The following LILRA2 variants were observed in gnomAD, a reference collection of about 807,000 sequenced individuals.
LILRA2 encodes the protein leukocyte immunoglobulin-like receptor subfamily A member 2.
LILRA2 carries 45 observed loss-of-function variants against 47.9 expected under a neutral mutation model. The ratio of observed to expected loss-of-function variants is 0.94; its 90% CI spans 0.74 to 1.20. LILRA2 has a LOEUF of 1.20. LILRA2 is among the 50% of genes most tolerant of loss of function. The pLI, the probability that LILRA2 is intolerant of heterozygous loss-of-function variation, is 0.00. For synonymous variants in LILRA2, 279 were observed against 249.2 expected, an observed-to-expected ratio of 1.12 and a Z score of -1.13; for missense variants, 651 against 598.2, an observed-to-expected ratio of 1.09 and a Z score of -0.92.
chr19:54,575,952 T>C lies in LILRA2; in HGVS notation c.1098T>C (p.His366=). 6.2e-7 allele frequency: 1 copy of C among 1,613,838 alleles called. No homozygotes were observed. The highest frequency in any genetic ancestry group is 8.5e-7 in the Non-Finnish European group (1 of 1,179,920). The part of the protein sequence containing the change: ...TKEGAGHPPL[H]LRSEHQAQQN... ...AGGGGGCAGGCCATCCCCCACTGCA[T>C]CTGAGATCAGAGCACCAAGCTCAGC... is the stretch of plus-strand genomic sequence containing the variant. Residue 366 remains histidine (H), a synonymous_variant, in exon 6 of 8, where the codon CAT becomes CAC. Coordinates refer to ENST00000391738, the MANE Select transcript of LILRA2 (RefSeq NM_001130917.3).
In LILRA2 at chr19:54,574,100, A is replaced by T; in HGVS notation, c.59A>T (p.His20Leu). The part of the protein sequence containing the change: ...CLGLSLGPRT[H>L]VQAGHLPKPT... ...GGGCTGAGTCTGGGCCCCAGGACCC[A>T]CGTGCAGGCAGGTGAGTCTGTTCCC... The change falls in exon 2 of 8, where the codon CAC (histidine) becomes CTC (leucine). Residue 20 changes from histidine (H) to leucine (L), a missense_variant. Coordinates refer to ENST00000391738, the MANE Select transcript of LILRA2 (RefSeq NM_001130917.3). 6.2e-7 allele frequency: 1 copy of T among 1,614,204 alleles called. No individual in the cohort carries two copies. The highest frequency in any genetic ancestry group is 8.5e-7 in the Non-Finnish European group (1 of 1,180,032).
intron 6 of LILRA2, chr19:54,577,764 A>C: frequency 1.7e-6 from 2 of 1,158,504 alleles, no homozygotes; most frequent in Non-Finnish European, 1.1e-6. Flanking sequence ...ACTCATTTCT[A>C]CTCTGCATTT....
Position 54,587,268 on chromosome 19 carries a change from G to C in LILRA2, c.1374G>C (p.Leu458Phe), listed in dbSNP as rs761760492. The change falls in exon 8 of 8, where the codon TTG becomes TTC. Residue 458 changes from leucine to phenylalanine, a missense_variant. Physicochemically the swap from Leu to Phe is conservative, Grantham distance 22 (BLOSUM62 0). Coordinates refer to ENST00000391738, the MANE Select transcript of LILRA2 (RefSeq NM_001130917.3). ...ENLIRMGVAG[L>F]VLVVLGILLF... ...TCATCCGCATGGGTGTGGCTGGCTT[G>C]GTCCTGGTGGTCCTCGGGATTCTGC... is the stretch of plus-strand genomic sequence containing the variant. 2.5e-6 allele frequency: 4 copies of C among 1,614,000 alleles called. No individual in the cohort carries two copies. The Admixed American group carries it at 6.7e-5, about 27-fold the overall frequency.
In LILRA2 at chr19:54,587,013, C is replaced by G. The variant is rs941220612; in HGVS notation, c.1259C>G (p.Ala420Gly). Residue 420 changes from alanine (A) to glycine (G), a missense_variant, in exon 7 of 8, where the codon GCA becomes GGA. By Grantham distance (60) the Ala-to-Gly change is moderately conservative. Coordinates refer to ENST00000391738, the MANE Select transcript of LILRA2 (RefSeq NM_001130917.3). ...SDPLELVVSEAAETLSPSQNK... is the reference protein window; with the variant it reads ...SDPLELVVSEGAETLSPSQNK... ...TCTCCACTGTTTTGATTCTCAGAAG[C>G]AGCTGAGACCCTCAGCCCATCACAA... The G allele has an allele frequency of 3.1e-6, 5 of 1,611,220 alleles. No individual in the cohort carries two copies. Among genetic ancestry groups the G allele is most frequent in the East Asian group, 4.5e-5 (2 of 44,854 alleles).
intron 6 of LILRA2, among the ~76,000 whole-genome samples, chr19:54,583,427 T>G (rs2062701711): frequency 6.6e-6 from 1 of 152,182 alleles, no homozygotes; most frequent in Non-Finnish European, 1.5e-5. Flanking sequence ...TGTAGGTCTC[T>G]AAGGACTTGG....
chr19:54,575,173 A>T (rs61203769), intron 4 of LILRA2, 83 bp from the exon 5 acceptor site: 79 of 1,549,730 alleles, frequency 5.1e-5, no homozygotes, highest in Non-Finnish European at 6.3e-5. Flanking sequence ...GGCCGGAGAC[A>T]CAGGAAGATC....
At chr19:54,584,089 G>T (rs1209150079) in intron 6 of LILRA2, among the ~76,000 whole-genome samples, 1 of 152,166 alleles carries the variant, frequency 6.6e-6, no homozygotes, top group African/African-American at 2.4e-5. Context: ...TAAGAATGTT[G>T]AATATTGGCC....
At position 54,574,432 on chromosome 19, in the gene LILRA2, T is replaced by A; in HGVS notation, c.202T>A (p.Ser68Thr). The A allele has an allele frequency of 6.2e-7, 1 of 1,609,740 alleles. No individual in the cohort carries two copies. The highest frequency in any genetic ancestry group is 8.5e-7 in the Non-Finnish European group (1 of 1,176,530). The change falls in exon 3 of 8, where the codon TCC becomes ACC. Residue 68 changes from serine to threonine, a missense_variant. Ser to Thr is a moderately conservative substitution (Grantham distance 58). Transcript: ENST00000391738. ...YHLYRENKSA[S>T]WVRRIQEPGK... is the part of the protein sequence containing the mutation. ...TCTATATAGGGAAAACAAATCAGCA[T>A]CCTGGGTTAGACGGATACAAGAGCC...
In LILRA2 at chr19:54,587,529, A is replaced by G. The variant is rs2062851304; in HGVS notation, c.*183A>G. The stretch of plus-strand genomic sequence containing the variant: ...TGTCTGGGGTGATTCCTAGAAGATC[A>G]TTAAACTGTGGTACATTTTTTTGTC... On this transcript the variant is annotated 3_prime_UTR_variant, in exon 8 of 8. Transcript: ENST00000391738. 9.6e-7 allele frequency: 1 copy of G among 1,042,272 alleles called. No homozygotes were observed. The highest frequency in any genetic ancestry group is 2.7e-4 in the Middle Eastern group (1 of 3,672). 64.6% of individuals were successfully genotyped at this position (1,042,272 alleles called of 1,614,324 possible).
rs1174675928 is a variant in LILRA2, at chr19:54,576,034, A to C, written c.1180A>C (p.Arg394=). Residue 394 remains arginine (R), a synonymous_variant, in exon 6 of 8, where the codon AGA becomes CGA. Transcript: ENST00000391738. ...GACCTCAGCCCACGTGGGGACCTAC[A>C]GATGCTACAGCTCACTCAGCTCCAA... is the stretch of plus-strand genomic sequence containing the variant. The part of the protein sequence containing the change: ...PVTSAHVGTY[R]CYSSLSSNPY... The C allele has an allele frequency of 6.2e-7, 1 of 1,613,950 alleles. No homozygotes were observed. The highest frequency in any genetic ancestry group is 8.5e-7 in the Non-Finnish European group (1 of 1,179,962).
upstream of LILRA2, chr19:54,573,382 A>C (rs2062204915): frequency 1.2e-6 from 1 of 836,014 alleles, no homozygotes. Context: ...TAACTGCAGC[A>C]TGGACCTGGG....
rs2062331188 is a variant in LILRA2, at chr19:54,574,877, A to AGTGGGTGTT, written c.499_500insGTGGGTGTT (p.Asn167delinsSerGlyCysTyr). On this transcript the variant is annotated protein_altering_variant, in exon 4 of 8. Coordinates refer to ENST00000391738, the MANE Select transcript of LILRA2 (RefSeq NM_001130917.3). The stretch of plus-strand genomic sequence containing the variant: ...AGAAGATGAACACCCACAACGCCTG[A>AGTGGGTGTT]ACTCCCATTCCCATGCCCGTGGGTG... The AGTGGGTGTT allele has an allele frequency of 6.2e-7, 1 of 1,614,116 alleles. No homozygotes were observed. Among genetic ancestry groups the AGTGGGTGTT allele is most frequent in the Non-Finnish European group, 8.5e-7 (1 of 1,180,052 alleles).
rs765111830 is a variant in LILRA2 at position 54,575,539 on chromosome 19, C to T, written c.939C>T (p.Asp313=). 1 of 1,611,942 alleles carries T rather than the reference C, an allele frequency of 6.2e-7. No individual in the cohort carries two copies. Residue 313 remains aspartate (D), a synonymous_variant, in exon 5 of 8, where the codon GAC becomes GAT. Coordinates refer to ENST00000391738, the MANE Select transcript of LILRA2 (RefSeq NM_001130917.3). ...GGTCGGCCCCCAGTGACCCCCTGGA[C>T]ATCCTGATCACAGGTGAGGAGCCCA... ...SEWSAPSDPL[D]ILITGQFYDR...
Position 54,575,545 on chromosome 19 carries a change from G to C in LILRA2, c.945G>C (p.Leu315=). 5 of 1,612,138 alleles carry C rather than the reference G, an allele frequency of 3.1e-6. No individual in the cohort carries two copies. The highest frequency in any genetic ancestry group is 4.2e-6 in the Non-Finnish European group (5 of 1,179,854). ...WSAPSDPLDI[L]ITGQFYDRPS... is the part of the protein sequence containing the mutation. The stretch of plus-strand genomic sequence containing the variant: ...CCCCCAGTGACCCCCTGGACATCCT[G>C]ATCACAGGTGAGGAGCCCAGCGGGT... Residue 315 remains leucine, a synonymous_variant, in exon 5 of 8, where the codon CTG becomes CTC. Transcript: ENST00000391738.
chr19:54,578,408 G>T (rs769898865), intron 6 of LILRA2, among the ~76,000 whole-genome samples: 1 of 152,012 alleles, frequency 6.6e-6, no homozygotes, highest in East Asian at 1.9e-4. Flanking sequence ...ACAGTTTGCT[G>T]AGTGATGGTT....
Position 54,574,472 on chromosome 19 carries a change from A to G in LILRA2, c.242A>G (p.Gln81Arg). 6.2e-7 allele frequency: 1 copy of G among 1,614,160 alleles called. No homozygotes were observed. The highest frequency in any genetic ancestry group is 8.5e-7 in the Non-Finnish European group (1 of 1,180,004). The change falls in exon 3 of 8, where the codon CAG becomes CGG. Residue 81 changes from glutamine (Q) to arginine (R), a missense_variant. Physicochemically the swap from Gln to Arg is conservative, Grantham distance 43. Coordinates refer to ENST00000391738, the MANE Select transcript of LILRA2 (RefSeq NM_001130917.3). Reference sequence around the variant, plus strand: ...ATACAAGAGCCTGGGAAGAATGGCCAGTTCCCCATCCCATCCATCACCTGG... The same window carrying G: ...ATACAAGAGCCTGGGAAGAATGGCCGGTTCCCCATCCCATCCATCACCTGG... ...RRIQEPGKNG[Q>R]FPIPSITWEH...
At chr19:54,584,832 G>A (rs983166223) in intron 6 of LILRA2, among the ~76,000 whole-genome samples, 7 of 152,132 alleles carry the variant, frequency 4.6e-5, no homozygotes, top group Non-Finnish European at 1.0e-4. Context: ...GAGGAGCTGC[G>A]ATCCTTTGGA....
At position 54,587,674 on chromosome 19, in the gene LILRA2, G is replaced by A. The variant is rs1657937811; in HGVS notation, c.*328G>A. On this transcript the variant is annotated 3_prime_UTR_variant, in exon 8 of 8. Transcript: ENST00000391738. ...ACACACCTGTGTGCTCTGGTCCACG[G>A]CATGTGACACAGTCTTCCTTATTCC... The A allele has an allele frequency of 1.4e-5, 5 of 363,456 alleles. No individual in the cohort carries two copies. The highest frequency in any genetic ancestry group is 8.6e-5 in the South Asian group (2 of 23,246). The allele number at this position is 363,456 out of a possible 1,614,324, so 22.5% of individuals were successfully genotyped here.
intron 2 of LILRA2, 25 bp downstream of exon 2, chr19:54,574,136 G>C (rs4099571): frequency 6.6e-7 from 1 of 1,525,352 alleles, no homozygotes; most frequent in Admixed American, 1.8e-5. Context: ...AGCTGTCCCA[G>C]GTCCCTCCTC....
Sources: allele counts gnomAD v4.1 joint callset (sites outside exome capture counted in the v4.1 genomes callset), GRCh38; gene constraint gnomAD v4.1.1; transcripts MANE v1.5; gene names NCBI Gene and HGNC (gene_info 2026-07-23, HGNC 2026-07-21).